The following ZNRF3 variants were observed in gnomAD, a reference collection of about 807,000 sequenced individuals.
The protein encoded by ZNRF3 is E3 ubiquitin-protein ligase ZNRF3.
ZNRF3 carries 23 observed loss-of-function variants against 72.5 expected under a neutral mutation model. The observed-to-expected ratio is 0.32, with a 90% CI of 0.23 to 0.45. The LOEUF (loss-of-function observed/expected upper bound fraction) is 0.45. Ranked by LOEUF, ZNRF3 falls within the 20% of genes least tolerant of loss-of-function variation. ZNRF3 has a pLI of 1.00. For missense variants in ZNRF3, 1,169 were observed against 1,272.1 expected (o/e 0.92, Z 1.23); for synonymous variants, 610 against 545.3 (o/e 1.12, Z -1.65).
chr22:28,984,364 G>A (rs1046750077), intron 1 of ZNRF3, among the ~76,000 whole-genome samples: 15 of 152,042 alleles, frequency 9.9e-5, no homozygotes, highest in Non-Finnish European at 1.6e-4. Context: ...TGTCTCAATG[G>A]TTTTGCCTCT....
At position 29,049,742 on chromosome 22, in the gene ZNRF3, C is replaced by G. The variant is rs763943152; in HGVS notation, c.1561C>G (p.Leu521Val). Reference sequence around the variant, plus strand: ...GGTGCACGTGGCCCCGCCCTCCCACCTGGAGAGCGGCAGCACGTCCAGCTT... The same window carrying G: ...GGTGCACGTGGCCCCGCCCTCCCACGTGGAGAGCGGCAGCACGTCCAGCTT... ...TVVHVAPPSH[L>V]ESGSTSSFSC... The change falls in exon 8 of 9, where the codon CTG becomes GTG. Residue 521 changes from leucine (L) to valine (V), a missense_variant. Leu to Val is a conservative substitution (Grantham distance 32). This residue lies in a region of ZNRF3 where 783 missense variants were observed against 731.4 expected (regional missense o/e 1.07). Coordinates refer to ENST00000544604, the MANE Select transcript of ZNRF3 (RefSeq NM_001206998.2). The surrounding 1 kb of genome is among the most constrained non-coding windows in gnomAD (Gnocchi z 5.2). 1 of 1,595,868 alleles carries G rather than the reference C, an allele frequency of 6.3e-7. No individual in the cohort carries two copies. The highest frequency in any genetic ancestry group is 1.1e-5 in the South Asian group (1 of 89,580).
Position 29,056,557 on chromosome 22 carries a change from G to A in ZNRF3, c.*2935G>A, listed in dbSNP as rs1173998848. On this transcript the variant is annotated 3_prime_UTR_variant, in exon 9 of 9. Coordinates refer to ENST00000544604, the MANE Select transcript of ZNRF3 (RefSeq NM_001206998.2). ...TCCACCAATGACAGACACCCTTTTC[G>A]GTGGACTCTGAGTGGTGTGTAGTGG... 1 of 152,102 alleles carries A rather than the reference G, an allele frequency of 6.6e-6. No homozygotes were observed. Among genetic ancestry groups the A allele is most frequent in the Admixed American group, 6.6e-5 (1 of 15,264 alleles). The allele number at this position is 152,102 out of a possible 1,614,324, so 9.4% of individuals were successfully genotyped here.
At chr22:28,934,378 T>TCC (rs942500269) in intron 1 of ZNRF3, among the ~76,000 whole-genome samples, 2 of 152,194 alleles carry the variant, frequency 1.3e-5, no homozygotes, top group African/African-American at 4.8e-5. Flanking sequence ...ATCGCTCAAC[T>TCC]CTCTTGGACT....
At chr22:28,976,324 C>T (rs1457571588) in intron 1 of ZNRF3, among the ~76,000 whole-genome samples, 7 of 152,014 alleles carry the variant, frequency 4.6e-5, no homozygotes, top group African/African-American at 1.5e-4. Flanking sequence ...GAGTTTGAGA[C>T]CAGCCTGGAC....
At chr22:29,013,427 A>G (rs562125128) in intron 2 of ZNRF3, among the ~76,000 whole-genome samples, 117 of 152,350 alleles carry the variant, frequency 7.7e-4, no homozygotes, top group African/African-American at 2.7e-3. Flanking sequence ...GACTAAAAAG[A>G]AAACTGGTTT....
At chr22:29,020,644 C>T (rs1300406167) in intron 2 of ZNRF3, among the ~76,000 whole-genome samples, 3 of 151,968 alleles carry the variant, frequency 2.0e-5, no homozygotes, top group East Asian at 1.9e-4. Flanking sequence ...TAAGGAGGGC[C>T]GACTGTATAC....
chr22:28,888,777 T>G (rs2033834484), intron 1 of ZNRF3, among the ~76,000 whole-genome samples: 1 of 152,196 alleles, frequency 6.6e-6, no homozygotes, highest in African/African-American at 2.4e-5. Context: ...GAGAAGCAAG[T>G]TGAGTTCTCT....
chr22:28,952,068 T>A (rs1368413804), intron 1 of ZNRF3, among the ~76,000 whole-genome samples: 1 of 152,234 alleles, frequency 6.6e-6, no homozygotes, highest in East Asian at 1.9e-4. Flanking sequence ...GGGACCCTCC[T>A]GCGGGTTCCC....
chr22:29,046,217 G>A (rs565191999), intron 5 of ZNRF3, among the ~76,000 whole-genome samples: 8 of 152,258 alleles, frequency 5.3e-5, no homozygotes, highest in South Asian at 2.1e-4. Flanking sequence ...GGTGGATCTT[G>A]GAAGGCAATC....
intron 1 of ZNRF3, among the ~76,000 whole-genome samples, chr22:28,950,040 A>G (rs1490346375): frequency 6.6e-6 from 1 of 152,190 alleles, no homozygotes; most frequent in African/African-American, 2.4e-5. Flanking sequence ...TGCTTCATCA[A>G]CATTCTTAAG....
intron 1 of ZNRF3, among the ~76,000 whole-genome samples, chr22:28,974,162 C>T (rs1350508721): frequency 3.3e-5 from 5 of 151,952 alleles, no homozygotes; most frequent in East Asian, 3.8e-4. Context: ...GGAGTTTCAC[C>T]GAGTTAGCCA....
intron 1 of ZNRF3, among the ~76,000 whole-genome samples, chr22:28,956,111 C>T (rs770686620): frequency 3.3e-5 from 5 of 151,980 alleles, no homozygotes; most frequent in Admixed American, 6.6e-5. Context: ...TGGCTGGCGA[C>T]GGGGATGTCT....
intron 2 of ZNRF3, among the ~76,000 whole-genome samples, chr22:29,012,204 G>C (rs1482967388): frequency 6.6e-6 from 1 of 152,240 alleles, no homozygotes; most frequent in Non-Finnish European, 1.5e-5. Flanking sequence ...AAAGCAGTAA[G>C]AGAGAACTGT....
intron 1 of ZNRF3, among the ~76,000 whole-genome samples, chr22:28,918,531 T>A (rs2034448711): frequency 4.0e-5 from 1 of 25,294 alleles, no homozygotes. Context: ...TGTATCTGCA[T>A]GTGTGCGTGT....
At chr22:28,939,367 C>T (rs866835154) in intron 1 of ZNRF3, among the ~76,000 whole-genome samples, 1 of 151,646 alleles carries the variant, frequency 6.6e-6, no homozygotes, top group Non-Finnish European at 1.5e-5. Context: ...TAAGAAGTAG[C>T]TATTGTTGTG....
intron 1 of ZNRF3, among the ~76,000 whole-genome samples, chr22:28,909,196 C>T (rs2034269551): frequency 6.6e-6 from 1 of 152,088 alleles, no homozygotes. Flanking sequence ...CGCGCCCAGC[C>T]TCTGTTGGGT....
At chr22:28,905,451 G>C (rs754207656) in intron 1 of ZNRF3, among the ~76,000 whole-genome samples, 3 of 152,162 alleles carry the variant, frequency 2.0e-5, no homozygotes, top group Non-Finnish European at 2.9e-5. Context: ...GAAAATAACA[G>C]AGAATCAAAG....
At chr22:29,019,737 A>G (rs77688610) in intron 2 of ZNRF3, among the ~76,000 whole-genome samples, 2,067 of 152,294 alleles carry the variant, frequency 0.014, 82 homozygotes, top group East Asian at 0.12. Context: ...TGAACTATTT[A>G]ATCCTCTCAA....
intron 2 of ZNRF3, among the ~76,000 whole-genome samples, chr22:28,989,268 G>T (rs1193222604): frequency 6.6e-6 from 1 of 152,146 alleles, no homozygotes; most frequent in Non-Finnish European, 1.5e-5. Context: ...CATTAGCACA[G>T]AAGCTTGGGC....
Sources: gnomAD v4.1 joint callset for allele counts (sites outside exome capture counted in the v4.1 genomes callset) on GRCh38, gnomAD v4.1.1 for gene constraint, gnomAD v4.1.1 regional missense constraint, Gnocchi (gnomAD v3.1) non-coding constraint, MANE v1.5 for transcripts, NCBI Gene and HGNC (gene_info 2026-07-23, HGNC 2026-07-21) for gene names.